TRIM2: variants seen among roughly 807,000 people sequenced by gnomAD.
TRIM2 encodes the protein tripartite motif containing 2, also known as tripartite motif-containing protein 2.
Under a neutral mutation model 75.2 loss-of-function variants are expected in TRIM2, and 20 were observed. That is an observed-to-expected ratio of 0.27 (90% CI 0.19 to 0.39). The LOEUF (loss-of-function observed/expected upper bound fraction) is 0.39. Among genes scored for constraint, TRIM2 ranks in the 10% least tolerant of loss-of-function variants. The probability of loss-of-function intolerance (pLI) is 1.00; values close to 1 mark genes in which losing one functional copy is unlikely to be tolerated. For synonymous variants in TRIM2, 373 were observed against 388.3 expected, an observed-to-expected ratio of 0.96 and a Z score of 0.46; for missense variants, 660 against 990.8, an observed-to-expected ratio of 0.67 and a Z score of 4.48.
At chr4:153,279,488 G>A (rs1297898084) in intron 3 of TRIM2, among the ~76,000 whole-genome samples, 1 of 151,950 alleles carries the variant, frequency 6.6e-6, no homozygotes, top group African/African-American at 2.4e-5. Flanking sequence ...AGAAATAATA[G>A]AAAATTGGAC....
intron 1 of TRIM2, among the ~76,000 whole-genome samples, chr4:153,174,149 T>C (rs2149619794): frequency 6.6e-6 from 1 of 151,314 alleles, no homozygotes; most frequent in African/African-American, 2.4e-5. Context: ...AACCCTTGCA[T>C]TGCCTATGGG....
At chr4:153,225,908 T>C (rs560174016) in intron 1 of TRIM2, among the ~76,000 whole-genome samples, 23 of 152,362 alleles carry the variant, frequency 1.5e-4, no homozygotes, top group African/African-American at 5.3e-4. Context: ...AGAGACTTTG[T>C]CACCCAAACT....
At position 153,336,589 on chromosome 4, in the gene TRIM2, CTT is replaced by C. The variant is rs1772479344; in HGVS notation, c.*1625_*1626del. On this transcript the variant is annotated 3_prime_UTR_variant, in exon 12 of 12. Coordinates refer to ENST00000338700, the MANE Select transcript of TRIM2 (RefSeq NM_015271.5). ...TCATGTTTGACATTTTTGATAGTGA[CTT>C]TGGGGTCTTCTTCACTGAAAGCACC... The C allele has an allele frequency of 2.0e-6, 2 of 985,626 alleles. No homozygotes were observed. The highest frequency in any genetic ancestry group is 6.2e-5 in the Admixed American group (1 of 16,250). The allele number at this position is 985,626 out of a possible 1,614,324, so 61.1% of individuals were successfully genotyped here.
intron 1 of TRIM2, among the ~76,000 whole-genome samples, chr4:153,250,267 G>A (rs1750539731): frequency 6.6e-6 from 1 of 152,028 alleles, no homozygotes; most frequent in Admixed American, 6.6e-5. Context: ...CTACAGGCAC[G>A]CGCCACCATG....
At chr4:153,187,793 C>T (rs1468112087) in intron 1 of TRIM2, among the ~76,000 whole-genome samples, 1 of 152,124 alleles carries the variant, frequency 6.6e-6, no homozygotes, top group African/African-American at 2.4e-5. Context: ...GCGGCCGCAT[C>T]ATAGGTGTTT....
Position 153,210,125 on chromosome 4 carries a change from C to T in TRIM2, c.30+5565C>T, listed in dbSNP as rs1042530072. Among the ~76,000 whole-genome samples, 7 of 134,384 alleles carry T rather than the reference C, an allele frequency of 5.2e-5. No individual in the cohort carries two copies. The South Asian group carries it at 6.9e-4, about 13-fold the overall frequency. 88.2% of individuals were successfully genotyped at this position (134,384 alleles called of 152,430 possible). A position where few individuals can be genotyped will look rare whatever the true frequency, so the allele number is the denominator to read the frequency against. ...TGTTGCCCAGGCTGGAGAGCAGTGG[C>T]GAGATCTCGGCTCACTGCAACTTTC... On this transcript the variant is annotated intron_variant, in intron 1 of 11. Transcript: ENST00000338700.
At chr4:153,278,051 T>C (rs1266793449) in intron 3 of TRIM2, among the ~76,000 whole-genome samples, 1 of 152,174 alleles carries the variant, frequency 6.6e-6, no homozygotes, top group African/African-American at 2.4e-5. Context: ...CGTGACTTGA[T>C]AGAGGAGTAA....
chr4:153,206,924 A>G (rs2149695098), intron 1 of TRIM2, among the ~76,000 whole-genome samples: 1 of 152,144 alleles, frequency 6.6e-6, no homozygotes, highest in South Asian at 2.1e-4. Flanking sequence ...TCCGTCACCC[A>G]GGCTGGAGTG....
At chr4:153,302,705 T>C (rs1264053418) in intron 6 of TRIM2, among the ~76,000 whole-genome samples, 1 of 152,226 alleles carries the variant, frequency 6.6e-6, no homozygotes, top group African/African-American at 2.4e-5. Context: ...CTACTTGAAC[T>C]CCCTCTGTGC....
At chr4:153,332,698 G>A (rs2149598940) in intron 11 of TRIM2, among the ~76,000 whole-genome samples, 1 of 151,444 alleles carries the variant, frequency 6.6e-6, no homozygotes, top group South Asian at 2.1e-4. Flanking sequence ...TTTTACTGAA[G>A]AGGATGTATA....
intron 1 of TRIM2, among the ~76,000 whole-genome samples, chr4:153,175,109 C>T (rs1203944323): frequency 6.6e-6 from 1 of 152,074 alleles, no homozygotes. Context: ...TTCTGCCTTC[C>T]GGTTTCAAGC....
chr4:153,292,525 G>A (rs1386540699), intron 3 of TRIM2, among the ~76,000 whole-genome samples: 2 of 152,114 alleles, frequency 1.3e-5, no homozygotes, highest in East Asian at 1.9e-4. Flanking sequence ...TCCTGGCCTC[G>A]AGTAATCCTC....
chr4:153,185,433 A>G (rs999120313), intron 1 of TRIM2, among the ~76,000 whole-genome samples: 5 of 151,606 alleles, frequency 3.3e-5, no homozygotes, highest in African/African-American at 1.2e-4. Context: ...AATAAAGCAG[A>G]GGCTTGATCA....
intron 6 of TRIM2, among the ~76,000 whole-genome samples, chr4:153,302,807 C>T (rs1410313660): frequency 6.6e-6 from 1 of 152,202 alleles, no homozygotes; most frequent in African/African-American, 2.4e-5. Flanking sequence ...ATTATTGTTA[C>T]TTATGCCTGG....
chr4:153,195,961 C>T (rs1733721918), intron 1 of TRIM2, among the ~76,000 whole-genome samples: 1 of 152,172 alleles, frequency 6.6e-6, no homozygotes, highest in Non-Finnish European at 1.5e-5. Flanking sequence ...TGGCGTGCAC[C>T]ATTATGCCTG....
chr4:153,241,771 C>T (rs1746685540), intron 1 of TRIM2, among the ~76,000 whole-genome samples: 1 of 152,128 alleles, frequency 6.6e-6, no homozygotes, highest in Non-Finnish European at 1.5e-5. Context: ...CCTGAGGAAA[C>T]GGGTGCACAG....
chr4:153,173,285 G>A (rs1176012800), intron 1 of TRIM2, among the ~76,000 whole-genome samples: 1 of 152,134 alleles, frequency 6.6e-6, no homozygotes, highest in Non-Finnish European at 1.5e-5. Flanking sequence ...CCAACGCTTT[G>A]GGGTCTGGAG....
intron 1 of TRIM2, among the ~76,000 whole-genome samples, chr4:153,208,155 G>A (rs1735984352): frequency 6.6e-6 from 1 of 152,134 alleles, no homozygotes. Flanking sequence ...AAAATTAGCT[G>A]GGCATGGTGG....
intron 10 of TRIM2, among the ~76,000 whole-genome samples, chr4:153,327,160 G>A (rs1770424946): frequency 6.6e-6 from 1 of 152,116 alleles, no homozygotes; most frequent in African/African-American, 2.4e-5. Flanking sequence ...TTTAAATATG[G>A]CATCTTAGTA....
Sources: gnomAD v4.1 joint callset for allele counts (sites outside exome capture counted in the v4.1 genomes callset) on GRCh38, gnomAD v4.1.1 for gene constraint, MANE v1.5 for transcripts, NCBI Gene and HGNC (gene_info 2026-07-23, HGNC 2026-07-21) for gene names.